Variants in MED30 observed in about 807,000 individuals in gnomAD.
MED30 encodes mediator of RNA polymerase II transcription subunit 30.
In MED30, 8 loss-of-function variants were observed where a neutral mutation model predicts 21.7. The ratio of observed to expected loss-of-function variants is 0.37; its 90% CI spans 0.22 to 0.67. The LOEUF is 0.67. Ranked by LOEUF, MED30 falls within the 30% of genes least tolerant of loss-of-function variation. MED30 has a pLI of 0.58. For synonymous variants in MED30, 79 were observed against 86.7 expected (o/e 0.91, Z 0.49); for missense variants, 203 against 228.2 (o/e 0.89, Z 0.71).
chr8:117,521,401 C>T (rs1818617078), intron 1 of MED30, among the ~76,000 whole-genome samples: 1 of 151,950 alleles, frequency 6.6e-6, no homozygotes, highest in African/African-American at 2.4e-5. Flanking sequence ...TGGGGAGGTC[C>T]AAGGAGTTGA....
At chr8:117,538,870 T>G (rs903699584) in intron 3 of MED30, among the ~76,000 whole-genome samples, 3 of 152,230 alleles carry the variant, frequency 2.0e-5, no homozygotes, top group African/African-American at 7.2e-5. Flanking sequence ...TACTCTGCCA[T>G]TTGTCTTCAG....
At chr8:117,523,964 G>A (rs1291357569) in intron 1 of MED30, 4 of 277,170 alleles carry the variant, frequency 1.4e-5, no homozygotes, top group Non-Finnish European at 2.8e-5. Context: ...CCGAGAGATC[G>A]CGCCACTGCA....
At chr8:117,521,087 C>T in intron 1 of MED30, 34 bp downstream of exon 1, 1 of 1,546,140 alleles carries the variant, frequency 6.5e-7, no homozygotes, top group South Asian at 1.2e-5. Context: ...CAGGGGGATG[C>T]AGCTGGGAGG....
At chr8:117,536,437 CTAAAA>C (rs1283003684) in intron 3 of MED30, among the ~76,000 whole-genome samples, 3 of 152,012 alleles carry the variant, frequency 2.0e-5, no homozygotes, top group Non-Finnish European at 4.4e-5. Flanking sequence ...AATAAGCTAC[CTAAAA>C]TAAGTAGATT....
chr8:117,523,979 A>G, intron 1 of MED30: 1 of 247,044 alleles, frequency 4.0e-6, no homozygotes, highest in Non-Finnish European at 8.0e-6. Context: ...ACTGCACTCC[A>G]GGCTGGGCGA....
At position 117,528,718 on chromosome 8, in the gene MED30, T is replaced by G. The variant is rs1042124367; in HGVS notation, c.245T>G (p.Leu82Arg). Residue 82 changes from leucine to arginine, a missense_variant, in exon 2 of 4, where the codon CTT (leucine) becomes CGT (arginine). Coordinates refer to ENST00000297347, the MANE Select transcript of MED30 (RefSeq NM_080651.4). ...CGGTTAACAAAGCTACAGGATAATCTTCGCCAACTTTCAGTTCTCTTCAGG... is the reference window on the plus strand; with the variant it reads ...CGGTTAACAAAGCTACAGGATAATCGTCGCCAACTTTCAGTTCTCTTCAGG... ...QDRLTKLQDN[L>R]RQLSVLFRKL... is the part of the protein sequence containing the mutation. 1 of 1,611,476 alleles carries G rather than the reference T, an allele frequency of 6.2e-7. No individual in the cohort carries two copies. The highest frequency in any genetic ancestry group is 8.5e-7 in the Non-Finnish European group (1 of 1,178,630).
chr8:117,530,928 A>T lies in MED30; in HGVS notation c.441+101A>T. The T allele has an allele frequency of 3.6e-6, 3 of 834,410 alleles. No homozygotes were observed. The South Asian group carries it at 5.1e-5, about 14-fold the overall frequency. The allele number at this position is 834,410 out of a possible 1,614,324, so 51.7% of individuals were successfully genotyped here. ...AACATAATTTGAATTATCAAATTAC[A>T]TGAAGTTGTTTCTGCGGCAAACTTC... On this transcript the variant is annotated intron_variant, in intron 3 of 3. Coordinates refer to ENST00000297347, the MANE Select transcript of MED30 (RefSeq NM_080651.4).
At chr8:117,528,849 G>A in intron 2 of MED30, 40 bp downstream of exon 2, 1 of 1,459,410 alleles carries the variant, frequency 6.9e-7, no homozygotes, top group Non-Finnish European at 9.2e-7. Flanking sequence ...TATAAGGTGT[G>A]AACTAGTGTC....
intron 3 of MED30, among the ~76,000 whole-genome samples, chr8:117,534,025 C>T (rs1818829653): frequency 1.3e-5 from 2 of 152,166 alleles, no homozygotes; most frequent in African/African-American, 4.8e-5. Flanking sequence ...AATTTGAAGG[C>T]ATTCCATAAT....
chr8:117,539,349 G>A (rs1245287431), intron 3 of MED30, among the ~76,000 whole-genome samples: 1 of 152,146 alleles, frequency 6.6e-6, no homozygotes, highest in Admixed American at 6.5e-5. Flanking sequence ...AACTAGATGG[G>A]TGTGGTGGCT....
intron 2 of MED30, among the ~76,000 whole-genome samples, chr8:117,529,852 T>C (rs927831821): frequency 1.3e-5 from 2 of 151,830 alleles, no homozygotes; most frequent in African/African-American, 4.8e-5. Context: ...GGCACAGGAA[T>C]GGAGACTAAT....
intron 3 of MED30, among the ~76,000 whole-genome samples, chr8:117,536,691 A>C (rs555021117): frequency 6.6e-6 from 1 of 152,346 alleles, no homozygotes; most frequent in East Asian, 1.9e-4. Context: ...TGGTTTTAAT[A>C]GTCAAATTCG....
chr8:117,529,628 A>G (rs1225639555), intron 2 of MED30, among the ~76,000 whole-genome samples: 1 of 151,984 alleles, frequency 6.6e-6, no homozygotes, highest in Non-Finnish European at 1.5e-5. Flanking sequence ...GGAGCCGGCA[A>G]GTGGATATCA....
intron 3 of MED30, among the ~76,000 whole-genome samples, chr8:117,539,465 G>A (rs1290327709): frequency 6.7e-6 from 1 of 150,366 alleles, no homozygotes; most frequent in Non-Finnish European, 1.5e-5. Context: ...ACTGCAGCCT[G>A]GGAAAAAAAA....
At chr8:117,531,810 T>G (rs1818796209) in intron 3 of MED30, among the ~76,000 whole-genome samples, 1 of 152,016 alleles carries the variant, frequency 6.6e-6, no homozygotes, top group African/African-American at 2.4e-5. Context: ...ACACTATGTT[T>G]AATATTATTT....
Position 117,527,812 on chromosome 8 carries a change from A to T in MED30, c.178-839A>T, listed in dbSNP as rs190870596. On this transcript the variant is annotated intron_variant, in intron 1 of 3. Coordinates refer to ENST00000297347, the MANE Select transcript of MED30 (RefSeq NM_080651.4). The stretch of plus-strand genomic sequence containing the variant: ...CTGTGTAAATAGTATTGATTCAAGT[A>T]TTAGGGTGATGACACAGATCAGATT... 1.9e-3 allele frequency among the ~76,000 whole-genome samples: 295 copies of T among 151,994 alleles called. 2 individuals carry two copies. The highest frequency in any genetic ancestry group is 6.7e-3 in the African/African-American group (278 of 41,550).
chr8:117,528,477 A>C (rs373927708), intron 1 of MED30, among the ~76,000 whole-genome samples, 174 bp from the exon 2 acceptor site: 2 of 152,110 alleles, frequency 1.3e-5, no homozygotes, highest in East Asian at 3.9e-4. Flanking sequence ...CAAGTTGTTA[A>C]TAAATGGGCA....
intron 1 of MED30, among the ~76,000 whole-genome samples, chr8:117,526,074 A>G (rs1818715219): frequency 6.6e-6 from 1 of 151,838 alleles, no homozygotes; most frequent in Non-Finnish European, 1.5e-5. Context: ...TGAGATTTTA[A>G]AAGTTTTTTT....
chr8:117,535,019 C>G (rs1396549713), intron 3 of MED30, among the ~76,000 whole-genome samples: 1 of 151,720 alleles, frequency 6.6e-6, no homozygotes, highest in Non-Finnish European at 1.5e-5. Context: ...ATAATTGATA[C>G]AAGGATATGA....
Sources: gnomAD v4.1 joint callset for allele counts (sites outside exome capture counted in the v4.1 genomes callset) on GRCh38, gnomAD v4.1.1 for gene constraint, MANE v1.5 for transcripts, NCBI Gene and HGNC (gene_info 2026-07-23, HGNC 2026-07-21) for gene names.